PILRA: variants seen among roughly 807,000 people sequenced by gnomAD.
PILRA encodes paired immunoglobulin-like type 2 receptor alpha.
PILRA carries 37 observed loss-of-function variants against 33.1 expected under a neutral mutation model. The observed-to-expected ratio is 1.12, with a 90% CI of 0.86 to 1.47. The LOEUF is 1.47. Among genes scored for constraint, PILRA ranks in the 40% most tolerant of loss-of-function variants. PILRA has a pLI of 0.00. For synonymous variants in PILRA, 146 were observed against 149.9 expected (o/e 0.97, Z 0.19); for missense variants, 312 against 376.2 (o/e 0.83, Z 1.41).
intron 2 of PILRA, among the ~76,000 whole-genome samples, chr7:100,378,501 G>A (rs563812046): frequency 6.6e-6 from 1 of 152,294 alleles, no homozygotes; most frequent in Admixed American, 6.5e-5. Context: ...AACCTATTAT[G>A]CAATTGACAG....
chr7:100,384,973 A>T (rs753079200), intron 2 of PILRA, among the ~76,000 whole-genome samples: 1 of 152,186 alleles, frequency 6.6e-6, no homozygotes, highest in Non-Finnish European at 1.5e-5. Context: ...GTGTCCCAGA[A>T]GCCAAGTGAA....
intron 2 of PILRA, among the ~76,000 whole-genome samples, chr7:100,375,560 C>T (rs753566841): frequency 3.9e-5 from 6 of 152,070 alleles, no homozygotes; most frequent in Non-Finnish European, 7.4e-5. Context: ...GGTGAAACCC[C>T]GTCTCTACTA....
At chr7:100,381,941 C>G (rs112386097) in intron 2 of PILRA, among the ~76,000 whole-genome samples, 24,885 of 151,608 alleles carry the variant, frequency 0.16, 2,192 homozygotes, top group Non-Finnish European at 0.19. Context: ...CTCGCCAGGC[C>G]TTAGCTGCCT....
At chr7:100,373,277 G>A (rs1005859281), upstream of PILRA, among the ~76,000 whole-genome samples, 4 of 152,226 alleles carry the variant, frequency 2.6e-5, no homozygotes, top group African/African-American at 7.2e-5. Context: ...AGGATGAGAA[G>A]TGAGGCTGAG....
chr7:100,384,530 G>A (rs981121238), intron 2 of PILRA, among the ~76,000 whole-genome samples: 1 of 151,192 alleles, frequency 6.6e-6, no homozygotes, highest in Non-Finnish European at 1.5e-5. Context: ...TGAGTAGCTA[G>A]GACTGCAGGG....
At chr7:100,373,976 GGGTCACCCTCTTTGT>G in intron 1 of PILRA, 53 bp from the exon 2 acceptor site, 1 of 1,567,022 alleles carries the variant, frequency 6.4e-7, no homozygotes, top group Non-Finnish European at 8.7e-7. Context: ...GGAGGGTCTG[GGGTCACCCTCTTTGT>G]GTCTTGAGGT....
chr7:100,374,568 TC>T (rs1248974936), intron 2 of PILRA, 135 bp downstream of exon 2: 2 of 981,046 alleles, frequency 2.0e-6, no homozygotes, highest in Admixed American at 2.0e-5. Flanking sequence ...CCCTAACACT[TC>T]CTCAGGCCTT....
At position 100,399,283 on chromosome 7, in the gene PILRA, C is replaced by T. The variant is rs1037504918; in HGVS notation, c.708-8C>T. On this transcript the variant is annotated splice_region_variant and splice_polypyrimidine_tract_variant and intron_variant, in intron 4 of 6. Transcript: ENST00000198536. ...TAACATATTTCCTGTCCTCTTGTTC[C>T]CATACAGGGAACCCTTCCAAAACAC... The T allele has an allele frequency of 4.4e-6, 7 of 1,607,226 alleles. No homozygotes were observed. The highest frequency in any genetic ancestry group is 6.0e-6 in the Non-Finnish European group (7 of 1,174,552).
At chr7:100,395,078 T>G (rs1274096553) in intron 3 of PILRA, among the ~76,000 whole-genome samples, 1 of 151,836 alleles carries the variant, frequency 6.6e-6, no homozygotes, top group Non-Finnish European at 1.5e-5. Context: ...TGATAAGGAG[T>G]GAAAATCTGA....
rs969450372 is a variant in PILRA at position 100,392,826 on chromosome 7, C to T, written c.673+2720C>T. 3.3e-5 allele frequency among the ~76,000 whole-genome samples: 5 copies of T among 152,250 alleles called. No individual in the cohort carries two copies. In the East Asian group the frequency reaches 9.6e-4, roughly 29 times the overall value. On this transcript the variant is annotated intron_variant, in intron 3 of 6. Coordinates refer to ENST00000198536, the MANE Select transcript of PILRA (RefSeq NM_013439.3). ...GCCATCTGAGAAAAAATAACATTATCTCCTTACCTCATAATTTGTACCAAA... is the reference window on the plus strand; with the variant it reads ...GCCATCTGAGAAAAAATAACATTATTTCCTTACCTCATAATTTGTACCAAA...
At chr7:100,395,770 T>C (rs531185388) in intron 3 of PILRA, among the ~76,000 whole-genome samples, 34 of 152,148 alleles carry the variant, frequency 2.2e-4, no homozygotes, top group African/African-American at 8.2e-4. Context: ...TTGCGCACTG[T>C]TGATGGGGGC....
rs762824779 is a variant in PILRA at position 100,373,650 on chromosome 7, C to A, written c.-7C>A. 1 of 1,613,648 alleles carries A rather than the reference C, an allele frequency of 6.2e-7. No homozygotes were observed. Among genetic ancestry groups the A allele is most frequent in the South Asian group, 1.1e-5 (1 of 91,088 alleles). On this transcript the variant is annotated 5_prime_UTR_variant, in exon 1 of 7. Transcript: ENST00000198536. ...GGTCTCCCCGTCCCCTGGAGAAGAA[C>A]AAGGCCATGGGTCGGCCCCTGCTGC...
At chr7:100,373,246 C>T (rs1045884331), upstream of PILRA, among the ~76,000 whole-genome samples, 3 of 152,146 alleles carry the variant, frequency 2.0e-5, no homozygotes, top group African/African-American at 7.2e-5. Context: ...AAAGAGCCTG[C>T]GCTGGCCCTG....
chr7:100,397,442 C>T (rs919597527), intron 3 of PILRA, among the ~76,000 whole-genome samples: 2 of 151,910 alleles, frequency 1.3e-5, no homozygotes, highest in Non-Finnish European at 2.9e-5. Context: ...AAGCACGACG[C>T]TCCCAAGGCT....
chr7:100,386,096 AT>A (rs1308682393), intron 2 of PILRA, among the ~76,000 whole-genome samples: 3 of 151,724 alleles, frequency 2.0e-5, no homozygotes, highest in Non-Finnish European at 4.4e-5. Context: ...TGCCCACCTA[AT>A]TTTTGTAGTT....
rs1448713508 is a variant in PILRA, at chr7:100,390,063, G to C, written c.630G>C (p.Met210Ile). ...TGGCTGTCACTGTGCTCGGAATCAT[G>C]ATTTTGGGACTGATCTGCCTCCTCA... Reference protein sequence around the residue: ...VAVAVTVLGIMILGLICLLRW... With the variant: ...VAVAVTVLGIIILGLICLLRW... The change falls in exon 3 of 7, where the codon ATG (methionine) becomes ATC (isoleucine). Residue 210 changes from methionine (M) to isoleucine (I), a missense_variant. Transcript: ENST00000198536. The C allele has an allele frequency of 1.2e-6, 2 of 1,614,002 alleles. No homozygotes were observed. The highest frequency in any genetic ancestry group is 1.1e-5 in the South Asian group (1 of 91,076).
rs1462825639 is a variant in PILRA, at chr7:100,374,254, A to G, written c.275A>G (p.Asp92Gly). The change falls in exon 2 of 7, where the codon GAT becomes GGT. Residue 92 changes from aspartate to glycine, a missense_variant. Transcript: ENST00000198536. ...YSTRPPSIHKDYVNRLFLNWT... is the reference protein window; with the variant it reads ...YSTRPPSIHKGYVNRLFLNWT... Reference sequence around the variant, plus strand: ...ACAAGGCCGCCTTCCATTCACAAGGATTATGTGAACCGGCTCTTTCTGAAC... The same window carrying G: ...ACAAGGCCGCCTTCCATTCACAAGGGTTATGTGAACCGGCTCTTTCTGAAC... The G allele has an allele frequency of 6.2e-7, 1 of 1,613,972 alleles. No individual in the cohort carries two copies. Among genetic ancestry groups the G allele is most frequent in the Non-Finnish European group, 8.5e-7 (1 of 1,180,008 alleles).
Position 100,373,574 on chromosome 7 carries a change from C to T in PILRA, c.-83C>T, listed in dbSNP as rs1400141255. ...GCCCGGCTCTCCTCACTCACCTCAA[C>T]CCCCAGGCGGCCCCTCCACAGGGCC... On this transcript the variant is annotated 5_prime_UTR_variant, in exon 1 of 7. Coordinates refer to ENST00000198536, the MANE Select transcript of PILRA (RefSeq NM_013439.3). The T allele has an allele frequency of 4.0e-5, 60 of 1,518,104 alleles. No homozygotes were observed. Among genetic ancestry groups the T allele is most frequent in the Non-Finnish European group, 2.2e-5 (24 of 1,098,650 alleles). The allele number at this position is 1,518,104 out of a possible 1,614,324, so 94.0% of individuals were successfully genotyped here.
intron 2 of PILRA, among the ~76,000 whole-genome samples, chr7:100,375,197 T>A (rs966043757): frequency 3.3e-5 from 5 of 152,138 alleles, no homozygotes; most frequent in Non-Finnish European, 5.9e-5. Context: ...TGCTACTCTG[T>A]CCTTCCCAAC....
Sources: gnomAD v4.1 joint callset for allele counts (sites outside exome capture counted in the v4.1 genomes callset) on GRCh38, gnomAD v4.1.1 for gene constraint, MANE v1.5 for transcripts, NCBI Gene and HGNC (gene_info 2026-07-23, HGNC 2026-07-21) for gene names.